Variants in NRG1 observed in about 807,000 individuals in gnomAD.
NRG1 encodes the protein pro-neuregulin-1, membrane-bound isoform.
Under a neutral mutation model 63.8 loss-of-function variants are expected in NRG1, and 18 were observed. The ratio of observed to expected loss-of-function variants is 0.28; its 90% CI spans 0.19 to 0.42. NRG1 has a LOEUF of 0.42. NRG1 is among the 10% of genes least tolerant of loss of function. The probability of loss-of-function intolerance (pLI) is 1.00; values close to 1 mark genes in which losing one functional copy is unlikely to be tolerated. For missense variants in NRG1, 762 were observed against 814.7 expected (o/e 0.94, Z 0.79); for synonymous variants, 302 against 301.3 (o/e 1.00, Z -0.02).
At chr8:32,251,628 G>A (rs71562318) in intron 1 of NRG1, among the ~76,000 whole-genome samples, 3 of 152,244 alleles carry the variant, frequency 2.0e-5, no homozygotes, top group Admixed American at 6.5e-5. Context: ...TTGAGGAATC[G>A]CCGCACTGTC....
intron 5 of NRG1, among the ~76,000 whole-genome samples, chr8:32,723,401 G>T (rs1410204534): frequency 6.6e-6 from 1 of 152,124 alleles, no homozygotes; most frequent in Non-Finnish European, 1.5e-5. Flanking sequence ...AGAATTGTGG[G>T]TCAGGCGTGG....
intron 1 of NRG1, among the ~76,000 whole-genome samples, chr8:31,932,382 A>C (rs989796278): frequency 2.0e-5 from 3 of 152,184 alleles, no homozygotes; most frequent in South Asian, 2.1e-4. Context: ...CAATATTGTC[A>C]AAAAGAGAAG....
chr8:32,684,827 GAC>G (rs1174518673), intron 5 of NRG1, among the ~76,000 whole-genome samples: 5 of 143,360 alleles, frequency 3.5e-5, no homozygotes, highest in African/African-American at 1.3e-4. Flanking sequence ...TAAAATTTTT[GAC>G]AGTTTTGACA....
intron 1 of NRG1, among the ~76,000 whole-genome samples, chr8:32,415,278 C>T (rs187804763): frequency 2.7e-5 from 4 of 149,976 alleles, no homozygotes; most frequent in Non-Finnish European, 5.9e-5. Flanking sequence ...TGTGGTGGCA[C>T]GTGCCTGTAG....
At chr8:32,351,035 G>C (rs1043098296) in intron 1 of NRG1, among the ~76,000 whole-genome samples, 6 of 151,908 alleles carry the variant, frequency 3.9e-5, no homozygotes, top group African/African-American at 1.5e-4. Flanking sequence ...GTCCACTATC[G>C]GTGTACTGAG....
At chr8:32,406,262 C>T (rs1182875175) in intron 1 of NRG1, among the ~76,000 whole-genome samples, 1 of 152,152 alleles carries the variant, frequency 6.6e-6, no homozygotes, top group Non-Finnish European at 1.5e-5. Flanking sequence ...TGGTCAGGGG[C>T]ACGGTCTCGG....
chr8:31,883,946 T>G (rs1157544347), intron 1 of NRG1, among the ~76,000 whole-genome samples: 1 of 152,128 alleles, frequency 6.6e-6, no homozygotes, highest in African/African-American at 2.4e-5. Context: ...ATATTTCATT[T>G]GCCTGTATGC....
chr8:32,467,062 T>G (rs926051951), intron 1 of NRG1, among the ~76,000 whole-genome samples: 5 of 152,058 alleles, frequency 3.3e-5, no homozygotes, highest in Non-Finnish European at 7.4e-5. Context: ...TTTGAAAAAT[T>G]CATATTTTAA....
intron 1 of NRG1, among the ~76,000 whole-genome samples, chr8:31,718,801 G>A (rs1481958688): frequency 1.3e-5 from 2 of 152,100 alleles, no homozygotes; most frequent in Non-Finnish European, 1.5e-5. Context: ...AAATATTTCT[G>A]CAATGAGATT....
rs982662820 is a variant in NRG1 at position 32,349,245 on chromosome 8, C to T, written c.38-246583C>T. On this transcript the variant is annotated intron_variant, in intron 1 of 10. Transcript: ENST00000519301. The stretch of plus-strand genomic sequence containing the variant: ...TATGTTTCATCTTTAAATGGGGCTG[C>T]GCTGTTAGGGACAGGATATATCTTG... Among the ~76,000 whole-genome samples, 5 of 152,242 alleles carry T rather than the reference C, an allele frequency of 3.3e-5. No homozygotes were observed. The East Asian group carries it at 5.8e-4, about 18-fold the overall frequency.
chr8:31,928,434 T>C (rs1241588846), intron 1 of NRG1, among the ~76,000 whole-genome samples: 2 of 140,240 alleles, frequency 1.4e-5, no homozygotes. Context: ...TGGAAAACAA[T>C]ATGGGGATTT....
At chr8:32,619,649 G>C (rs1294750873) in intron 5 of NRG1, among the ~76,000 whole-genome samples, 4 of 152,162 alleles carry the variant, frequency 2.6e-5, no homozygotes, top group African/African-American at 9.7e-5. Context: ...TTCATTGTGA[G>C]GTGTTAGAGA....
intron 5 of NRG1, among the ~76,000 whole-genome samples, chr8:32,665,285 T>C (rs1384293256): frequency 6.6e-6 from 1 of 152,170 alleles, no homozygotes; most frequent in East Asian, 1.9e-4. Flanking sequence ...CAGATTCTTT[T>C]ATATTAGTGC....
At chr8:32,070,123 G>A (rs554511770) in intron 1 of NRG1, among the ~76,000 whole-genome samples, 1 of 152,252 alleles carries the variant, frequency 6.6e-6, no homozygotes, top group East Asian at 1.9e-4. Flanking sequence ...ATGTATTTAA[G>A]TATGAAGGTA....
intron 1 of NRG1, among the ~76,000 whole-genome samples, chr8:31,800,363 T>C (rs1821642325): frequency 6.6e-6 from 1 of 152,208 alleles, no homozygotes; most frequent in African/African-American, 2.4e-5. Context: ...CAAGCAGTCA[T>C]TACATGTCTA....
intron 1 of NRG1, among the ~76,000 whole-genome samples, chr8:32,495,725 G>A (rs1235145869): frequency 2.0e-5 from 3 of 152,188 alleles, no homozygotes; most frequent in African/African-American, 7.2e-5. Context: ...GCCTCCCAAA[G>A]TGTTGGGATT....
intron 1 of NRG1, among the ~76,000 whole-genome samples, chr8:31,665,081 G>A (rs1027988854): frequency 2.6e-5 from 4 of 152,132 alleles, no homozygotes; most frequent in Non-Finnish European, 2.9e-5. Context: ...TTCAAGGGTG[G>A]GTGGGACAGA....
intron 1 of NRG1, among the ~76,000 whole-genome samples, chr8:32,344,324 C>CTT (rs1479611313): frequency 1.6e-5 from 1 of 64,096 alleles, no homozygotes; most frequent in Non-Finnish European, 3.3e-5. Context: ...TTCCTTCTTT[C>CTT]TCTTTCTTTC....
intron 1 of NRG1, among the ~76,000 whole-genome samples, chr8:32,528,289 A>G (rs1392131269): frequency 6.6e-6 from 1 of 152,220 alleles, no homozygotes; most frequent in Non-Finnish European, 1.5e-5. Flanking sequence ...AAGCTTAATC[A>G]AGGTGATGCT....
Sources: allele counts gnomAD v4.1 joint callset (sites outside exome capture counted in the v4.1 genomes callset), GRCh38; gene constraint gnomAD v4.1.1; transcripts MANE v1.5; gene names NCBI Gene and HGNC (gene_info 2026-07-23, HGNC 2026-07-21).